The following CPM variants were observed in gnomAD, a reference collection of about 807,000 sequenced individuals.
CPM encodes renal carboxypeptidase.
A neutral mutation model predicts 46.4 loss-of-function variants in CPM; 35 were observed. That is an observed-to-expected ratio of 0.75 (90% confidence interval 0.58 to 1.00). CPM has a LOEUF of 1.00. Ranked by LOEUF, CPM falls within the 50% of genes least tolerant of loss-of-function variation. The probability of loss-of-function intolerance (pLI) is 0.00; values close to 1 mark genes in which losing one functional copy is unlikely to be tolerated. For synonymous variants in CPM, 195 were observed against 195.3 expected, an observed-to-expected ratio of 1.00 and a Z score of 0.01; for missense variants, 422 against 530.4, an observed-to-expected ratio of 0.80 and a Z score of 2.01.
At chr12:68,882,138 T>C (rs1274254054) in intron 3 of CPM, among the ~76,000 whole-genome samples, 1 of 151,654 alleles carries the variant, frequency 6.6e-6, no homozygotes. Flanking sequence ...ATTGGTTCTA[T>C]AGGTAAATTG....
intron 2 of CPM, among the ~76,000 whole-genome samples, chr12:68,928,027 G>A (rs1888341927): frequency 6.6e-6 from 1 of 152,114 alleles, no homozygotes; most frequent in Admixed American, 6.6e-5. Context: ...CTACTTTAAA[G>A]TTCATATGGA....
intron 2 of CPM, among the ~76,000 whole-genome samples, chr12:68,898,017 T>C (rs890867998): frequency 3.4e-5 from 5 of 147,318 alleles, no homozygotes; most frequent in African/African-American, 1.3e-4. Context: ...CTAATTTGTG[T>C]ATTTTTTTTT....
intron 2 of CPM, among the ~76,000 whole-genome samples, chr12:68,900,527 T>C (rs1015617417): frequency 4.6e-5 from 7 of 152,224 alleles, no homozygotes; most frequent in African/African-American, 1.7e-4. Context: ...AACAAGCTCC[T>C]TGTTATTTAA....
chr12:68,883,033 C>CAT (rs986041972), intron 3 of CPM, among the ~76,000 whole-genome samples: 3 of 151,998 alleles, frequency 2.0e-5, no homozygotes, highest in African/African-American at 7.3e-5. Flanking sequence ...CACACACACA[C>CAT]GCACAGTGGG....
chr12:68,954,131 T>C (rs1212120423), intron 1 of CPM, among the ~76,000 whole-genome samples: 1 of 152,252 alleles, frequency 6.6e-6, no homozygotes, highest in Non-Finnish European at 1.5e-5. Context: ...ACCAGCTTTG[T>C]AGGTGGTGAT....
At chr12:68,870,002 T>C (rs972373735) in intron 5 of CPM, among the ~76,000 whole-genome samples, 4 of 152,246 alleles carry the variant, frequency 2.6e-5, no homozygotes, top group African/African-American at 4.8e-5. Context: ...AATTCACTGA[T>C]GCATGTCCAG....
intron 2 of CPM, among the ~76,000 whole-genome samples, chr12:68,910,188 A>G (rs1887536826): frequency 6.6e-6 from 1 of 152,186 alleles, no homozygotes; most frequent in African/African-American, 2.4e-5. Context: ...GTTATAAATG[A>G]CCTAAAGACT....
At chr12:68,906,882 T>C (rs75921930) in intron 2 of CPM, among the ~76,000 whole-genome samples, 1 of 152,220 alleles carries the variant, frequency 6.6e-6, no homozygotes, top group Non-Finnish European at 1.5e-5. Flanking sequence ...GTTGTATAAA[T>C]GTAAATCATT....
At chr12:68,922,987 G>C (rs1054088540) in intron 2 of CPM, among the ~76,000 whole-genome samples, 3 of 152,070 alleles carry the variant, frequency 2.0e-5, no homozygotes, top group Non-Finnish European at 2.9e-5. Context: ...CTGTTCACAG[G>C]TGCGATCATA....
chr12:68,955,201 G>T (rs1421231223), intron 1 of CPM, among the ~76,000 whole-genome samples: 1 of 152,204 alleles, frequency 6.6e-6, no homozygotes. Flanking sequence ...AGCCACAGAG[G>T]CTTCCAGCTG....
rs959838810 is a variant in CPM at position 68,851,856 on chromosome 12, C to T, written c.*4581G>A. The T allele has an allele frequency of 3.9e-5, 6 of 152,162 alleles. No homozygotes were observed. The highest frequency in any genetic ancestry group is 3.9e-4 in the Admixed American group (6 of 15,270). 9.4% of individuals were successfully genotyped at this position (152,162 alleles called of 1,614,324 possible). On this transcript the variant is annotated 3_prime_UTR_variant, in exon 9 of 9. Coordinates refer to ENST00000551568, the MANE Select transcript of CPM (RefSeq NM_198320.5). Reference sequence around the variant, plus strand: ...TAGTCTGGTCATCATAATTTTCTCCCCCTTCCCCCTTCTAAAGTCATGAGG... The same window carrying T: ...TAGTCTGGTCATCATAATTTTCTCCTCCTTCCCCCTTCTAAAGTCATGAGG...
At chr12:68,844,752 A>G (rs1387579844) in intron 5 of CPM, 2 of 208,826 alleles carry the variant, frequency 9.6e-6, no homozygotes, top group South Asian at 1.9e-4. Flanking sequence ...TAAATCCTTA[A>G]TAAGGGTTTT....
At chr12:68,877,926 C>T (rs150924159) in intron 3 of CPM, among the ~76,000 whole-genome samples, 56 of 152,332 alleles carry the variant, frequency 3.7e-4, no homozygotes, top group Middle Eastern at 3.4e-3. Flanking sequence ...AACTACATCT[C>T]ATCAACTGTC....
chr12:68,874,544 A>G (rs1885855447), intron 3 of CPM, among the ~76,000 whole-genome samples: 1 of 152,070 alleles, frequency 6.6e-6, no homozygotes, highest in Non-Finnish European at 1.5e-5. Flanking sequence ...TGAACCTAGG[A>G]GGCGGAGGTT....
chr12:68,893,715 GC>G (rs1886751205), intron 2 of CPM, among the ~76,000 whole-genome samples: 1 of 152,178 alleles, frequency 6.6e-6, no homozygotes, highest in Non-Finnish European at 1.5e-5. Flanking sequence ...TGAGAAATAG[GC>G]AGGCATTTGA....
chr12:68,943,891 T>C (rs1420636014), intron 1 of CPM, among the ~76,000 whole-genome samples: 3 of 152,038 alleles, frequency 2.0e-5, no homozygotes. Flanking sequence ...AAAAACTGTA[T>C]ATTTGAGAAA....
chr12:68,875,490 C>A (rs1885908717), intron 3 of CPM, among the ~76,000 whole-genome samples: 2 of 151,846 alleles, frequency 1.3e-5, no homozygotes, highest in African/African-American at 4.8e-5. Context: ...TTTTAATAAT[C>A]TTTTTTCTTA....
chr12:68,900,898 T>C (rs1411949436), intron 2 of CPM, among the ~76,000 whole-genome samples: 3 of 151,930 alleles, frequency 2.0e-5, no homozygotes, highest in Non-Finnish European at 4.4e-5. Context: ...AGATGGCACA[T>C]AGGGTATTTA....
rs201329072 is a variant in CPM, at chr12:68,856,668, A to G, written c.1101T>C (p.Pro367=). 9.3e-6 allele frequency: 15 copies of G among 1,613,864 alleles called. No individual in the cohort carries two copies. The highest frequency in any genetic ancestry group is 1.3e-5 in the Non-Finnish European group (15 of 1,179,884). The change falls in exon 9 of 9, where the codon CCT becomes CCC. Residue 367 remains proline (P), a synonymous_variant. Coordinates refer to ENST00000551568, the MANE Select transcript of CPM (RefSeq NM_198320.5). ...PGSYIINVTV[P]GHDPHITKVI... is the part of the protein sequence containing the mutation. Reference sequence around the variant, plus strand: ...CCTTTGTGATGTGTGGATCATGTCCAGGGACTGTAACCTGAGAAGAAACAA... The same window carrying G: ...CCTTTGTGATGTGTGGATCATGTCCGGGGACTGTAACCTGAGAAGAAACAA...
Sources: gnomAD v4.1 joint callset for allele counts (sites outside exome capture counted in the v4.1 genomes callset) on GRCh38, gnomAD v4.1.1 for gene constraint, MANE v1.5 for transcripts, NCBI Gene and HGNC (gene_info 2026-07-23, HGNC 2026-07-21) for gene names.